Variants in TTC39B observed in about 807,000 individuals in gnomAD.
The protein encoded by TTC39B is tetratricopeptide repeat protein 39B.
A neutral mutation model predicts 96.6 loss-of-function variants in TTC39B; 92 were observed. That is an observed-to-expected ratio of 0.95 (90% CI 0.80 to 1.13). The LOEUF is 1.13. Among genes scored for constraint, TTC39B ranks in the 50% most tolerant of loss-of-function variants. The probability of loss-of-function intolerance (pLI) is 0.00; values close to 1 mark genes in which losing one functional copy is unlikely to be tolerated. For missense variants in TTC39B, 955 were observed against 809.3 expected (o/e 1.18, Z -2.18); for synonymous variants, 367 against 299.4 (o/e 1.23, Z -2.33).
chr9:15,256,565 A>G (rs1459246501), intron 2 of TTC39B, among the ~76,000 whole-genome samples: 1 of 152,230 alleles, frequency 6.6e-6, no homozygotes, highest in Non-Finnish European at 1.5e-5. Context: ...CAGATGATCA[A>G]AAAACAAGTA....
intron 11 of TTC39B, 53 bp downstream of exon 11, chr9:15,190,501 A>G (rs1476620426): frequency 2.6e-5 from 40 of 1,530,198 alleles, no homozygotes; most frequent in Non-Finnish European, 3.6e-5. Context: ...GTAACACACC[A>G]TGTCTGGCCA....
At chr9:15,268,069 G>A in intron 1 of TTC39B, 121 bp from the exon 2 acceptor site, 1 of 759,070 alleles carries the variant, frequency 1.3e-6, no homozygotes, top group Non-Finnish European at 2.2e-6. Context: ...AGGTATAGCA[G>A]GCAGTAGAAT....
At chr9:15,183,602 G>A (rs952950342) in intron 16 of TTC39B, 8 of 218,706 alleles carry the variant, frequency 3.7e-5, no homozygotes, top group African/African-American at 1.9e-4. Flanking sequence ...ATACACTTAC[G>A]TATACACTGG....
intron 1 of TTC39B, among the ~76,000 whole-genome samples, chr9:15,273,511 C>T (rs1049055116): frequency 2.0e-5 from 3 of 152,178 alleles, no homozygotes; most frequent in Non-Finnish European, 4.4e-5. Context: ...TCACCCTCAG[C>T]CCTGTCCTCC....
intron 8 of TTC39B, among the ~76,000 whole-genome samples, chr9:15,197,759 C>G (rs779551394): frequency 1.3e-5 from 2 of 151,836 alleles, no homozygotes; most frequent in South Asian, 4.2e-4. Flanking sequence ...GAAGAAAAGA[C>G]ACATTATATA....
exon 16 of TTC39B, chr9:15,185,378 C>T: frequency 6.2e-7 from 1 of 1,613,844 alleles, no homozygotes; most frequent in Non-Finnish European, 8.5e-7. Flanking sequence ...GATTTCCCGG[C>T]AATTCTCTGC....
At chr9:15,244,407 C>T (rs796102067) in intron 2 of TTC39B, among the ~76,000 whole-genome samples, 60 of 152,360 alleles carry the variant, frequency 3.9e-4, no homozygotes, top group African/African-American at 1.4e-3. Flanking sequence ...GCCACTTCCT[C>T]ACCTCAGTGG....
chr9:15,231,237 T>A (rs1273210092), intron 2 of TTC39B, among the ~76,000 whole-genome samples: 1 of 152,128 alleles, frequency 6.6e-6, no homozygotes, highest in Non-Finnish European at 1.5e-5. Context: ...GGTCTTGAAC[T>A]CCTAGGCTCA....
chr9:15,275,293 G>C (rs12342467), intron 1 of TTC39B, among the ~76,000 whole-genome samples: 2,695 of 152,162 alleles, frequency 0.018, 81 homozygotes, highest in African/African-American at 0.062. Flanking sequence ...TGCCCGCCTC[G>C]GCCTCCCAAA....
chr9:15,253,777 A>C (rs868393308), intron 2 of TTC39B, among the ~76,000 whole-genome samples: 15 of 152,174 alleles, frequency 9.9e-5, no homozygotes, highest in Non-Finnish European at 2.1e-4. Context: ...TAACAATCAA[A>C]ACTATCACTC....
intron 1 of TTC39B, among the ~76,000 whole-genome samples, chr9:15,281,429 G>C (rs1415790808): frequency 6.6e-6 from 1 of 151,870 alleles, no homozygotes; most frequent in East Asian, 1.9e-4. Context: ...CCAAATACTG[G>C]ACCACTCATA....
intron 4 of TTC39B, 110 bp from the exon 5 acceptor site, chr9:15,211,507 C>CATA: frequency 2.0e-6 from 2 of 992,364 alleles, no homozygotes; most frequent in South Asian, 7.7e-5. Flanking sequence ...ATTCCTTCAC[C>CATA]ATAATCACTG....
At chr9:15,202,214 T>G (rs868357104) in intron 7 of TTC39B, among the ~76,000 whole-genome samples, 1 of 152,186 alleles carries the variant, frequency 6.6e-6, no homozygotes, top group South Asian at 2.1e-4. Context: ...AAATCCCTGT[T>G]TGGAAAACAG....
At position 15,220,930 on chromosome 9, in the gene TTC39B, A is replaced by G. The variant is rs747612946; in HGVS notation, c.371+4987T>C. 6.6e-5 allele frequency among the ~76,000 whole-genome samples: 10 copies of G among 152,208 alleles called. 1 individual carries two copies. The highest frequency in any genetic ancestry group is 9.7e-5 in the African/African-American group (4 of 41,434). ...TGATTTTGGAAGCTAAGCAAGGTCG[A>G]GCCTGGTTAGTACTTGGACAAGAGA... is the stretch of plus-strand genomic sequence containing the variant. On this transcript the variant is annotated intron_variant, in intron 3 of 19. Coordinates refer to ENST00000512701, the Ensembl canonical transcript of TTC39B.
chr9:15,241,362 A>C (rs181591280), intron 2 of TTC39B, among the ~76,000 whole-genome samples: 65 of 152,304 alleles, frequency 4.3e-4, no homozygotes, highest in Admixed American at 3.8e-3. Flanking sequence ...ATAATTTAAA[A>C]AGATAATGCT....
exon 20 of TTC39B, chr9:15,167,688 G>A (rs1311184305): frequency 6.6e-6 from 1 of 152,258 alleles, no homozygotes; most frequent in Admixed American, 6.5e-5. Flanking sequence ...GGAGGCAGAG[G>A]TTGCAGTGAG....
At chr9:15,178,780 GCCT>G (rs1435697242) in intron 17 of TTC39B, among the ~76,000 whole-genome samples, 2 of 152,210 alleles carry the variant, frequency 1.3e-5, no homozygotes, top group Non-Finnish European at 2.9e-5. Context: ...CAAGAAGGCT[GCCT>G]CCTCCTGTTG....
At chr9:15,276,648 T>G (rs1170670689) in intron 1 of TTC39B, among the ~76,000 whole-genome samples, 2 of 152,240 alleles carry the variant, frequency 1.3e-5, no homozygotes, top group Non-Finnish European at 2.9e-5. Context: ...ACAAGTGATT[T>G]TAATTACACA....
intron 3 of TTC39B, among the ~76,000 whole-genome samples, chr9:15,218,400 G>A (rs1454955191): frequency 6.6e-6 from 1 of 151,972 alleles, no homozygotes; most frequent in African/African-American, 2.4e-5. Context: ...CAGAAGCAAA[G>A]GCAATGGTTG....
Sources: gnomAD v4.1 joint callset for allele counts (sites outside exome capture counted in the v4.1 genomes callset) on GRCh38, gnomAD v4.1.1 for gene constraint, MANE v1.5 for transcripts, NCBI Gene and HGNC (gene_info 2026-07-23, HGNC 2026-07-21) for gene names.